TENM3: variants seen among roughly 807,000 people sequenced by gnomAD.
TENM3 encodes the protein teneurin transmembrane protein 3.
A neutral mutation model predicts 255.1 loss-of-function variants in TENM3; 63 were observed. That is an observed-to-expected ratio of 0.25 (90% CI 0.20 to 0.30). The LOEUF (loss-of-function observed/expected upper bound fraction) is 0.30, where lower values mean the gene tolerates loss of function less well. Among genes scored for constraint, TENM3 ranks in the 10% least tolerant of loss-of-function variants. The probability of loss-of-function intolerance (pLI) is 1.00; values close to 1 mark genes in which losing one functional copy is unlikely to be tolerated. For synonymous variants in TENM3, 1,306 were observed against 1,322.3 expected (o/e 0.99, Z 0.27); for missense variants, 2,929 against 3,461.1 (o/e 0.85, Z 3.86).
At chr4:182,014,822 C>A in the TENM3 span, among the ~76,000 whole-genome samples, 1 of 152,012 alleles carries the variant, frequency 6.6e-6, no homozygotes, top group Non-Finnish European at 1.5e-5. Context: ...TGCCCTGGGA[C>A]CAAGGACCCA....
chr4:182,706,907 T>C (rs1758319911), intron 12 of TENM3, among the ~76,000 whole-genome samples: 1 of 151,032 alleles, frequency 6.6e-6, no homozygotes, highest in Non-Finnish European at 1.5e-5. Flanking sequence ...TGAGCCAAGC[T>C]GTGATTGCAC....
chr4:181,621,761 G>A, the TENM3 span, among the ~76,000 whole-genome samples: 30 of 152,136 alleles, frequency 2.0e-4, no homozygotes, highest in Non-Finnish European at 7.3e-5. Context: ...CCAACCACAG[G>A]GAAGTGAACT....
At chr4:181,457,332 G>A in the TENM3 span, among the ~76,000 whole-genome samples, 1 of 151,620 alleles carries the variant, frequency 6.6e-6, no homozygotes, top group African/African-American at 2.4e-5. Context: ...AGACACAAAG[G>A]GCAATGTAAA....
the TENM3 span, among the ~76,000 whole-genome samples, chr4:181,576,977 C>A: frequency 7.6e-6 from 1 of 131,560 alleles, no homozygotes. Flanking sequence ...CCACACCCGG[C>A]TAATATTATA....
intron 4 of TENM3, among the ~76,000 whole-genome samples, chr4:182,608,601 C>G (rs937786211): frequency 6.6e-6 from 1 of 152,198 alleles, no homozygotes; most frequent in Admixed American, 6.5e-5. Context: ...GAGCGCCCTG[C>G]TCGTCCGCTT....
At chr4:181,849,949 T>TCTCTCACACACA in the TENM3 span, among the ~76,000 whole-genome samples, 99 of 65,952 alleles carry the variant, frequency 1.5e-3, 1 homozygote, top group East Asian at 5.1e-3. Context: ...TCTCTCTCTC[T>TCTCTCACACACA]CACACACACA....
chr4:181,640,110 G>A, the TENM3 span, among the ~76,000 whole-genome samples: 1,901 of 152,272 alleles, frequency 0.012, 22 homozygotes, highest in Non-Finnish European at 0.02. Flanking sequence ...AGGTAGGCAG[G>A]GACATCAAGA....
At chr4:182,421,405 G>C (rs904464689) in intron 3 of TENM3, among the ~76,000 whole-genome samples, 1 of 152,136 alleles carries the variant, frequency 6.6e-6, no homozygotes, top group Non-Finnish European at 1.5e-5. Context: ...CTTTCCTCTA[G>C]ATCAACGTTT....
chr4:182,295,708 G>A (rs1761444062), intron 1 of TENM3, among the ~76,000 whole-genome samples: 2 of 152,132 alleles, frequency 1.3e-5, no homozygotes, highest in African/African-American at 4.8e-5. Context: ...AGTAAAAATT[G>A]TGATTAAACC....
chr4:182,771,759 A>G (rs141077408), intron 22 of TENM3, among the ~76,000 whole-genome samples: 68 of 152,340 alleles, frequency 4.5e-4, no homozygotes, highest in Middle Eastern at 3.4e-3. Context: ...AAGCGATCAC[A>G]GCAATAAACT....
chr4:181,951,773 A>G, the TENM3 span, among the ~76,000 whole-genome samples: 52 of 152,362 alleles, frequency 3.4e-4, no homozygotes, highest in Middle Eastern at 0.01. Flanking sequence ...ACTTACAGTT[A>G]CATGCAACAG....
intron 3 of TENM3, among the ~76,000 whole-genome samples, chr4:182,404,558 G>A (rs1226870363): frequency 6.6e-6 from 1 of 152,296 alleles, no homozygotes; most frequent in African/African-American, 2.4e-5. Context: ...GGAAGCCGCC[G>A]ACAGTATTTC....
intron 12 of TENM3, among the ~76,000 whole-genome samples, chr4:182,697,145 A>G (rs944131010): frequency 2.6e-5 from 4 of 152,290 alleles, no homozygotes; most frequent in Middle Eastern, 3.4e-3. Context: ...TGGTCGTTGG[A>G]CTGAAATTCA....
chr4:181,730,591 G>A, the TENM3 span, among the ~76,000 whole-genome samples: 5 of 152,168 alleles, frequency 3.3e-5, no homozygotes, highest in African/African-American at 1.2e-4. Context: ...TGGAGGAAGT[G>A]GGGGAAAACC....
rs1485977049 is a variant in TENM3 at position 182,799,649 on chromosome 4, G to T, written c.7398G>T (p.Ser2466=). 9.7e-6 allele frequency: 15 copies of T among 1,547,388 alleles called. No individual in the cohort carries two copies. Among genetic ancestry groups the T allele is most frequent in the Non-Finnish European group, 1.3e-5 (15 of 1,146,660 alleles). The change falls in exon 28 of 28, where the codon TCG becomes TCT. Residue 2466 remains serine, a synonymous_variant. Coordinates refer to ENST00000511685, the MANE Select transcript of TENM3 (RefSeq NM_001080477.4). The surrounding 1 kb of genome is among the most constrained non-coding windows in gnomAD (Gnocchi z 4.2). The part of the protein sequence containing the change: ...QVARQAKAFL[S]LGKMAEVQVS... ...CGCGGCAGGCCAAGGCCTTCCTGTC[G>T]CTGGGGAAGATGGCCGAGGTGCAGG...
intron 3 of TENM3, among the ~76,000 whole-genome samples, chr4:182,373,711 G>A (rs928840183): frequency 3.3e-5 from 5 of 152,088 alleles, no homozygotes; most frequent in African/African-American, 7.2e-5. Context: ...ACAAATATCC[G>A]AACTATATCA....
chr4:182,680,711 G>A lies in TENM3; in HGVS notation c.1808G>A (p.Gly603Glu), dbSNP rs764745118. ...CIMGSCACNS[G>E]YKGESCEEAD... The stretch of plus-strand genomic sequence containing the variant: ...ATGGGCTCTTGTGCTTGCAACTCAG[G>A]ATACAAAGGAGAAAGTTGTGAAGAA... Residue 603 changes from glycine (G) to glutamate (E), a missense_variant, in exon 10 of 28, where the codon GGA becomes GAA. By Grantham distance (98) the Gly-to-Glu change is moderately conservative. Coordinates refer to ENST00000511685, the MANE Select transcript of TENM3 (RefSeq NM_001080477.4). 6.4e-7 allele frequency: 1 copy of A among 1,572,582 alleles called. No individual in the cohort carries two copies. The highest frequency in any genetic ancestry group is 8.6e-7 in the Non-Finnish European group (1 of 1,162,428).
the TENM3 span, among the ~76,000 whole-genome samples, chr4:182,125,768 CTT>C: frequency 1.0e-3 from 144 of 139,434 alleles, no homozygotes; most frequent in East Asian, 2.9e-3. Flanking sequence ...CTTTCCTTGC[CTT>C]TTTTTTTTTT....
chr4:182,272,580 C>A (rs1427965871), intron 1 of TENM3, among the ~76,000 whole-genome samples: 2 of 152,168 alleles, frequency 1.3e-5, no homozygotes, highest in African/African-American at 4.8e-5. Context: ...CCCGCAGAGG[C>A]AAGCTGTTGA....
Sources: gnomAD v4.1 joint callset for allele counts (sites outside exome capture counted in the v4.1 genomes callset) on GRCh38, gnomAD v4.1.1 for gene constraint, Gnocchi (gnomAD v3.1) non-coding constraint, MANE v1.5 for transcripts, NCBI Gene and HGNC (gene_info 2026-07-23, HGNC 2026-07-21) for gene names.